The following TENM2 variants were observed in gnomAD, a reference collection of about 807,000 sequenced individuals.
The protein encoded by TENM2 is teneurin-2.
A neutral mutation model predicts 245.2 loss-of-function variants in TENM2; 52 were observed. That is an observed-to-expected ratio of 0.21 (90% CI 0.17 to 0.27). The LOEUF is 0.27. TENM2 is among the 10% of genes least tolerant of loss of function. TENM2 has a pLI of 1.00. For missense variants in TENM2, 3,046 were observed against 3,666.8 expected (o/e 0.83, Z 4.37); for synonymous variants, 1,363 against 1,438.9 (o/e 0.95, Z 1.19).
intron 2 of TENM2, among the ~76,000 whole-genome samples, chr5:167,469,085 C>G (rs1323626493): frequency 6.6e-6 from 1 of 152,084 alleles, no homozygotes; most frequent in Non-Finnish European, 1.5e-5. Flanking sequence ...CTTAATAAAA[C>G]TATTCTGTGG....
the TENM2 span, among the ~76,000 whole-genome samples, chr5:167,255,953 G>A: frequency 7.3e-4 from 111 of 152,268 alleles, no homozygotes; most frequent in African/African-American, 2.6e-3. Flanking sequence ...GATTATTAAA[G>A]AGATGTTTGG....
chr5:167,086,033 A>G, the TENM2 span, among the ~76,000 whole-genome samples: 19 of 152,232 alleles, frequency 1.2e-4, no homozygotes, highest in African/African-American at 4.6e-4. Flanking sequence ...CCTCTCACCC[A>G]CAACTGAAGG....
At chr5:167,622,696 C>T (rs961555997) in intron 2 of TENM2, among the ~76,000 whole-genome samples, 3 of 152,038 alleles carry the variant, frequency 2.0e-5, no homozygotes, top group Non-Finnish European at 4.4e-5. Context: ...ATGACAATTG[C>T]TTTAAGTAGC....
chr5:168,246,938 A>G (rs1163790733), exon 27 of TENM2: 5 of 1,614,036 alleles, frequency 3.1e-6, no homozygotes, highest in East Asian at 2.2e-5. Context: ...ATCTTTGACT[A>G]CAGTGATGAC....
At chr5:167,860,038 G>T (rs1263366777) in intron 2 of TENM2, among the ~76,000 whole-genome samples, 3 of 96,620 alleles carry the variant, frequency 3.1e-5, no homozygotes, top group South Asian at 4.4e-4. Context: ...CCGGCCAGCC[G>T]CCCCGTCCGG....
At chr5:167,360,749 C>A (rs532041899) in intron 1 of TENM2, among the ~76,000 whole-genome samples, 40 of 152,168 alleles carry the variant, frequency 2.6e-4, no homozygotes, top group Non-Finnish European at 4.6e-4. Flanking sequence ...TAACTTTTAT[C>A]TCTATAGGCT....
At chr5:167,287,619 C>T (rs1446162197) in intron 1 of TENM2, 2 of 152,192 alleles carry the variant, frequency 1.3e-5, no homozygotes, top group Non-Finnish European at 2.9e-5. Flanking sequence ...CTGGCCCATT[C>T]AAGTATCAAA....
At chr5:167,856,746 A>G (rs1361397212) in intron 2 of TENM2, among the ~76,000 whole-genome samples, 2 of 152,160 alleles carry the variant, frequency 1.3e-5, no homozygotes, top group African/African-American at 4.8e-5. Context: ...TAGGACTGGA[A>G]CTGAATTTAA....
chr5:167,265,759 C>T, the TENM2 span, among the ~76,000 whole-genome samples: 85 of 152,106 alleles, frequency 5.6e-4, no homozygotes, highest in Non-Finnish European at 1.1e-3. Context: ...GTTTTCTGAC[C>T]TCACAATTTC....
chr5:167,614,939 C>T lies in TENM2; in HGVS notation c.502+239466C>T, dbSNP rs139117611. Among the ~76,000 whole-genome samples, 88 of 152,212 alleles carry T rather than the reference C, an allele frequency of 5.8e-4. 1 individual carries two copies. Among genetic ancestry groups the T allele is most frequent in the African/African-American group, 2.0e-3 (82 of 41,548 alleles). Reference sequence around the variant, plus strand: ...GATCTCCCCTATCTGTGCACTTCATCGTCACTGACGGCTCTGACTGGAAGC... The same window carrying T: ...GATCTCCCCTATCTGTGCACTTCATTGTCACTGACGGCTCTGACTGGAAGC... On this transcript the variant is annotated intron_variant, in intron 2 of 28. Coordinates refer to ENST00000518659, the Ensembl canonical transcript of TENM2.
Position 167,662,355 on chromosome 5 carries a change from T to C in TENM2, c.503-213631T>C, listed in dbSNP as rs560152406. 2.0e-5 allele frequency among the ~76,000 whole-genome samples: 3 copies of C among 152,344 alleles called. No homozygotes were observed. In the South Asian group the frequency reaches 6.2e-4, roughly 32 times the overall value. ...GTTTGCCTGGCATGATCTTGGTTTA[T>C]GTGTGTTGTTCATTTTAATTACTGA... On this transcript the variant is annotated intron_variant, in intron 2 of 28. Transcript: ENST00000518659.
chr5:168,037,964 A>C (rs1402446700), intron 5 of TENM2, among the ~76,000 whole-genome samples: 3 of 152,188 alleles, frequency 2.0e-5, no homozygotes, highest in Non-Finnish European at 4.4e-5. Context: ...TCTCTGAAGG[A>C]GGGGGTTCAG....
At chr5:168,090,218 CCACACACA>C (rs3083413) in intron 7 of TENM2, among the ~76,000 whole-genome samples, 8,213 of 136,750 alleles carry the variant, frequency 0.06, 257 homozygotes, top group South Asian at 0.078. Context: ...ACTCCCCCCA[CCACACACA>C]CACACACACA....
At chr5:167,316,278 G>A (rs1267115482) in intron 1 of TENM2, among the ~76,000 whole-genome samples, 1 of 152,200 alleles carries the variant, frequency 6.6e-6, no homozygotes, top group Non-Finnish European at 1.5e-5. Context: ...TGTTGAGTGA[G>A]AGAATGAATG....
chr5:168,255,128 A>T (rs1159564676), intron 27 of TENM2, among the ~76,000 whole-genome samples: 1 of 152,086 alleles, frequency 6.6e-6, no homozygotes, highest in African/African-American at 2.4e-5. Flanking sequence ...TACATACCCT[A>T]TCCCTGGTGA....
the TENM2 span, among the ~76,000 whole-genome samples, chr5:167,001,126 A>G: frequency 6.6e-6 from 1 of 152,166 alleles, no homozygotes; most frequent in Non-Finnish European, 1.5e-5. Flanking sequence ...TTCAGAAATT[A>G]CACTTTTCTA....
chr5:167,686,102 A>G (rs1430214306), intron 2 of TENM2, among the ~76,000 whole-genome samples: 2 of 152,228 alleles, frequency 1.3e-5, no homozygotes, highest in Non-Finnish European at 2.9e-5. Flanking sequence ...CTGACACATA[A>G]TAAGACAGCG....
intron 2 of TENM2, among the ~76,000 whole-genome samples, chr5:167,841,441 C>T (rs1193125677): frequency 6.6e-6 from 1 of 152,164 alleles, no homozygotes; most frequent in Non-Finnish European, 1.5e-5. Context: ...ATGCCTTTTA[C>T]CCAGATTTAC....
chr5:168,257,723 C>A (rs1023162900), intron 27 of TENM2, among the ~76,000 whole-genome samples: 1 of 151,134 alleles, frequency 6.6e-6, no homozygotes, highest in Non-Finnish European at 1.5e-5. Context: ...TCAAGCGATT[C>A]TCCTGCCTCA....
Sources: gnomAD v4.1 joint callset for allele counts (sites outside exome capture counted in the v4.1 genomes callset) on GRCh38, gnomAD v4.1.1 for gene constraint, MANE v1.5 for transcripts, NCBI Gene and HGNC (gene_info 2026-07-23, HGNC 2026-07-21) for gene names.